ABR: variants seen among roughly 807,000 people sequenced by gnomAD.
ABR encodes the protein active breakpoint cluster region-related protein.
ABR carries 35 observed loss-of-function variants against 107.2 expected under a neutral mutation model. The ratio of observed to expected loss-of-function variants is 0.33; its 90% confidence interval spans 0.25 to 0.43. ABR has a LOEUF of 0.43. ABR is among the 20% of genes least tolerant of loss of function. ABR has a pLI of 1.00. For synonymous variants in ABR, 498 were observed against 462.0 expected, an observed-to-expected ratio of 1.08 and a Z score of -1.00; for missense variants, 815 against 1,115.2, an observed-to-expected ratio of 0.73 and a Z score of 3.83.
intron 4 of ABR, among the ~76,000 whole-genome samples, chr17:1,090,850 C>T (rs2036975100): frequency 6.6e-6 from 1 of 152,232 alleles, no homozygotes; most frequent in Non-Finnish European, 1.5e-5. Flanking sequence ...CAGTCTCCCT[C>T]TTGCCTGCTG....
intron 16 of ABR, among the ~76,000 whole-genome samples, chr17:1,044,819 C>T (rs733791): frequency 0.2 from 30,232 of 152,096 alleles, 3,084 homozygotes; most frequent in Middle Eastern, 0.28. Flanking sequence ...GTCTGTCCTC[C>T]AGAACTCCCA....
Position 1,010,960 on chromosome 17 carries a change from C to G in ABR, c.2102-97G>C. 6.6e-7 allele frequency: 1 copy of G among 1,507,550 alleles called. No homozygotes were observed. 93.4% of individuals were successfully genotyped at this position (1,507,550 alleles called of 1,614,324 possible). On this transcript the variant is annotated intron_variant, in intron 19 of 22. Transcript: ENST00000302538. The surrounding 1 kb of genome is among the most constrained non-coding windows in gnomAD (Gnocchi z 4.1). ...GACACAGCCCCCACCCACTCCAGCT[C>G]TGGTTCTGGTCTCCCCTGGAAGAGC...
chr17:1,144,108 T>C (rs2040428445), intron 1 of ABR, among the ~76,000 whole-genome samples: 1 of 152,104 alleles, frequency 6.6e-6, no homozygotes, highest in East Asian at 1.9e-4. Flanking sequence ...GGCCATTGTT[T>C]CCTGCGATTT....
chr17:1,178,554 G>T (rs2041994353), intron 1 of ABR, among the ~76,000 whole-genome samples: 1 of 127,694 alleles, frequency 7.8e-6, no homozygotes, highest in African/African-American at 3.1e-5. Flanking sequence ...ACAGAGCCGA[G>T]ACTCCGTCTC....
At chr17:1,012,265 G>A (rs915383974) in intron 18 of ABR, 7 of 656,074 alleles carry the variant, frequency 1.1e-5, no homozygotes, top group African/African-American at 1.1e-4. Context: ...CCCAGATTCA[G>A]ATGCTTGTAG....
At chr17:1,221,248 G>T (rs924876670) in intron 1 of ABR, among the ~76,000 whole-genome samples, 7 of 152,180 alleles carry the variant, frequency 4.6e-5, no homozygotes, top group African/African-American at 1.7e-4. Context: ...ACCTCGAGGT[G>T]ACTAAGGAGA....
chr17:1,145,950 C>G (rs924885198), intron 1 of ABR, among the ~76,000 whole-genome samples: 4 of 152,372 alleles, frequency 2.6e-5, no homozygotes, highest in Middle Eastern at 6.8e-3. Flanking sequence ...TGCTGGCTCT[C>G]CACCCAGAGC....
chr17:1,018,015 T>G lies in ABR; in HGVS notation c.1792-4851A>C, dbSNP rs182224000. 1.2e-3 allele frequency among the ~76,000 whole-genome samples: 186 copies of G among 152,110 alleles called. 2 individuals carry two copies. The highest frequency in any genetic ancestry group is 4.1e-3 in the African/African-American group (170 of 41,424). On this transcript the variant is annotated intron_variant, in intron 16 of 22. Transcript: ENST00000302538. The stretch of plus-strand genomic sequence containing the variant: ...TCCTGAAGAGCTGGCATTACAGGCA[T>G]GTACCACTGTGTGGGCCCTTATTTT...
intron 1 of ABR, among the ~76,000 whole-genome samples, chr17:1,127,613 G>T (rs1395163109): frequency 6.6e-6 from 1 of 152,192 alleles, no homozygotes; most frequent in Non-Finnish European, 1.5e-5. Flanking sequence ...TCTCCAGGAG[G>T]CTCCAGGCTG....
intron 16 of ABR, chr17:1,031,763 C>T (rs1161493298): frequency 1.2e-5 from 15 of 1,232,572 alleles, no homozygotes; most frequent in East Asian, 3.2e-5. Context: ...CGGGACGCGG[C>T]GCTGGAGAGA....
intron 16 of ABR, among the ~76,000 whole-genome samples, chr17:1,038,268 G>C (rs755687920): frequency 6.6e-6 from 1 of 152,028 alleles, no homozygotes; most frequent in South Asian, 2.1e-4. Flanking sequence ...CAGTTCTCCC[G>C]AAGGCCTCGC....
chr17:1,171,674 G>A (rs1190570008), intron 1 of ABR, among the ~76,000 whole-genome samples: 1 of 152,238 alleles, frequency 6.6e-6, no homozygotes, highest in African/African-American at 2.4e-5. Flanking sequence ...GCTCACGCCT[G>A]TAATCCCAGC....
intron 11 of ABR, 89 bp downstream of exon 11, chr17:1,058,656 G>C (rs1320056928): frequency 6.6e-7 from 1 of 1,508,240 alleles, no homozygotes; most frequent in African/African-American, 1.4e-5. Context: ...TGAGTTTCCG[G>C]TTCGTACAGG....
intron 4 of ABR, among the ~76,000 whole-genome samples, chr17:1,088,133 C>T (rs774618487): frequency 7.9e-5 from 12 of 152,126 alleles, no homozygotes; most frequent in Admixed American, 2.0e-4. Context: ...CCTCAGGCAT[C>T]GGTTCACGAT....
In ABR at chr17:1,092,319, G is replaced by T. The variant is rs569014127; in HGVS notation, c.346-469C>A. Among the ~76,000 whole-genome samples the T allele has an allele frequency of 7.7e-4, 117 of 152,288 alleles. No homozygotes were observed. The highest frequency in any genetic ancestry group is 2.7e-3 in the African/African-American group (112 of 41,574). ...AGGGACCCGAAGTTACTCAAGACCA[G>T]TCTTGGCCTCACTGATGTTCCAAGT... On this transcript the variant is annotated intron_variant, in intron 3 of 22. Coordinates refer to ENST00000302538, the MANE Select transcript of ABR (RefSeq NM_021962.5). This position sits in a 1 kb window ranked among gnomAD's most constrained non-coding sequence, Gnocchi z 4.6.
chr17:1,169,926 A>G (rs2041644760), intron 1 of ABR, among the ~76,000 whole-genome samples: 1 of 142,626 alleles, frequency 7.0e-6, no homozygotes, highest in African/African-American at 2.6e-5. Context: ...CAACCGCCAA[A>G]GTCTATTCTC....
chr17:1,113,277 GATTTTTTTTTTTTT>G (rs2038807518), intron 2 of ABR, among the ~76,000 whole-genome samples: 2 of 88,172 alleles, frequency 2.3e-5, no homozygotes, highest in Non-Finnish European at 4.3e-5. Flanking sequence ...CACCTATTGC[GATTTTTTTTTTTTT>G]TTTTTTTTTT....
In ABR at chr17:1,148,987, C is replaced by T. The variant is rs1030148702; in HGVS notation, c.62-23620G>A. 5.3e-5 allele frequency among the ~76,000 whole-genome samples: 8 copies of T among 151,158 alleles called. No homozygotes were observed. Among genetic ancestry groups the T allele is most frequent in the Non-Finnish European group, 1.2e-4 (8 of 67,810 alleles). On this transcript the variant is annotated intron_variant, in intron 1 of 22. Coordinates refer to ENST00000302538, the MANE Select transcript of ABR (RefSeq NM_021962.5). The surrounding 1 kb of genome is among the most constrained non-coding windows in gnomAD (Gnocchi z 4.9). ...CGCCATCTCGGCTCACTGCAAGCTC[C>T]GCCTCCTGGGTTCACGCCATTCTCC...
intron 3 of ABR, among the ~76,000 whole-genome samples, chr17:1,098,568 C>T (rs1426827873): frequency 6.6e-6 from 1 of 152,140 alleles, no homozygotes. Context: ...TTTCACAACC[C>T]ACTGTACTGA....
Sources: gnomAD v4.1 joint callset for allele counts (sites outside exome capture counted in the v4.1 genomes callset) on GRCh38, gnomAD v4.1.1 for gene constraint, Gnocchi (gnomAD v3.1) non-coding constraint, MANE v1.5 for transcripts, NCBI Gene and HGNC (gene_info 2026-07-23, HGNC 2026-07-21) for gene names.